Variants in DMD observed in about 807,000 individuals in gnomAD.
DMD encodes the protein dystrophin.
A neutral mutation model predicts 330.1 loss-of-function variants in DMD; 63 were observed. The observed-to-expected ratio is 0.19, with a 90% CI of 0.16 to 0.24. The LOEUF is 0.24. Ranked by LOEUF, DMD falls within the 10% of genes least tolerant of loss-of-function variation. The probability of loss-of-function intolerance (pLI) is 1.00; values close to 1 mark genes in which losing one functional copy is unlikely to be tolerated. For synonymous variants in DMD, 1,223 were observed against 959.8 expected (o/e 1.27, Z -5.07); for missense variants, 3,344 against 2,684.1 (o/e 1.25, Z -5.43).
intron 2 of DMD, among the ~76,000 whole-genome samples, chrX:32,910,226 T>C (rs2087102084): frequency 9.0e-6 from 1 of 111,617 alleles, no homozygotes; most frequent in Non-Finnish European, 1.9e-5. Context: ...GCTACTCCTT[T>C]GGATGACAGA....
At chrX:33,307,132 G>A (rs1426994140) in intron 1 of DMD, among the ~76,000 whole-genome samples, 2 of 111,019 alleles carry the variant, frequency 1.8e-5, no homozygotes, top group Non-Finnish European at 1.9e-5. Context: ...TAAAAGAGGA[G>A]AGAAGAATGC....
At chrX:32,223,586 G>T (rs976794271) in intron 43 of DMD, among the ~76,000 whole-genome samples, 7 of 111,514 alleles carry the variant, frequency 6.3e-5, no homozygotes, top group African/African-American at 2.3e-4. Flanking sequence ...TGGGCTATAG[G>T]TTATGCAGAT....
chrX:32,920,910 T>C (rs1025056876), intron 2 of DMD, among the ~76,000 whole-genome samples: 2 of 112,148 alleles, frequency 1.8e-5, no homozygotes, highest in African/African-American at 6.5e-5. Flanking sequence ...CTGGATTTCA[T>C]AGTCAAAGAA....
chrX:31,669,192 T>C (rs2081601369), intron 53 of DMD, among the ~76,000 whole-genome samples: 1 of 112,137 alleles, frequency 8.9e-6, no homozygotes, highest in Admixed American at 9.4e-5. Flanking sequence ...CATACTGTTC[T>C]CCATAATGGT....
chrX:31,940,418 G>A (rs1236944518), intron 45 of DMD, among the ~76,000 whole-genome samples: 1 of 111,617 alleles, frequency 9.0e-6, no homozygotes, highest in Non-Finnish European at 1.9e-5. Context: ...CAAAAGTGAT[G>A]CTCATGAATA....
chrX:33,122,886 G>T (rs751306112), intron 1 of DMD, among the ~76,000 whole-genome samples: 2 of 112,030 alleles, frequency 1.8e-5, no homozygotes, highest in East Asian at 2.8e-4. Flanking sequence ...AAAAACATCA[G>T]TTTATTTCAT....
At chrX:32,683,787 TAA>T (rs113472494) in intron 9 of DMD, among the ~76,000 whole-genome samples, 18 of 93,045 alleles carry the variant, frequency 1.9e-4, no homozygotes, top group African/African-American at 6.8e-4. Context: ...AAAAGTATAA[TAA>T]AAAAAAAAAG....
At chrX:33,025,229 G>A (rs1413730139) in intron 1 of DMD, among the ~76,000 whole-genome samples, 1 of 112,086 alleles carries the variant, frequency 8.9e-6, no homozygotes, top group Non-Finnish European at 1.9e-5. Flanking sequence ...AATAAAGGTA[G>A]GAGGAGGATA....
intron 64 of DMD, among the ~76,000 whole-genome samples, chrX:31,220,487 C>T (rs767372928): frequency 1.8e-5 from 2 of 111,811 alleles, no homozygotes; most frequent in East Asian, 5.6e-4. Context: ...TTTCTTTCTT[C>T]CCATGGAGCA....
chrX:31,868,147 A>G (rs2093831283), intron 48 of DMD, among the ~76,000 whole-genome samples: 1 of 112,113 alleles, frequency 8.9e-6, no homozygotes, highest in Non-Finnish European at 1.9e-5. Context: ...CTCTGTGAAG[A>G]AGCTGATGAG....
chrX:32,752,813 C>G (rs1458766438), intron 7 of DMD, among the ~76,000 whole-genome samples: 1 of 109,767 alleles, frequency 9.1e-6, no homozygotes, highest in East Asian at 2.9e-4. Flanking sequence ...GAAAGTCTCA[C>G]GAGATCTGAT....
rs144637438 is a variant in DMD, at chrX:33,062,401, T to G, written c.32-42201A>C. Among the ~76,000 whole-genome samples, 298 of 112,581 alleles carry G rather than the reference T, an allele frequency of 2.6e-3. 1 individual carries two copies. The highest frequency in any genetic ancestry group is 9.2e-3 in the African/African-American group (285 of 31,058). On this transcript the variant is annotated intron_variant, in intron 1 of 78. Coordinates refer to ENST00000357033, the MANE Select transcript of DMD (RefSeq NM_004006.3). ...TGCATTTAACTCTCATTATGCATAA[T>G]TGCATAACTGGACAACAATATTTGT...
At chrX:32,680,334 T>C (rs1393397428) in intron 9 of DMD, among the ~76,000 whole-genome samples, 18 of 111,753 alleles carry the variant, frequency 1.6e-4, no homozygotes, top group Admixed American at 1.4e-3. Context: ...GAACTTCAAA[T>C]ACAATCAAAA....
intron 1 of DMD, among the ~76,000 whole-genome samples, chrX:33,177,811 A>AT (rs2049757024): frequency 8.9e-6 from 1 of 112,210 alleles, no homozygotes; most frequent in Admixed American, 9.5e-5. Flanking sequence ...GAACCTACTC[A>AT]TTTTTTATAA....
At chrX:33,310,583 CTAAAT>C (rs1340814419) in intron 1 of DMD, among the ~76,000 whole-genome samples, 1 of 111,009 alleles carries the variant, frequency 9.0e-6, no homozygotes, top group Non-Finnish European at 1.9e-5. Context: ...AGAATATCAC[CTAAAT>C]TATTCATTTT....
At chrX:32,432,625 T>C (rs16990375) in intron 29 of DMD, among the ~76,000 whole-genome samples, 16,980 of 111,707 alleles carry the variant, frequency 0.15, 1,117 homozygotes, top group African/African-American at 0.23. Flanking sequence ...TTAAGTTTGA[T>C]GTTGCTTCTA....
chrX:32,918,749 C>G (rs1219430302), intron 2 of DMD, among the ~76,000 whole-genome samples: 1 of 112,366 alleles, frequency 8.9e-6, no homozygotes, highest in Non-Finnish European at 1.9e-5. Context: ...TAATATATTT[C>G]CAGCATAGGA....
intron 47 of DMD, among the ~76,000 whole-genome samples, chrX:31,901,991 T>C (rs1359784093): frequency 9.0e-6 from 1 of 111,687 alleles, no homozygotes; most frequent in Non-Finnish European, 1.9e-5. Context: ...TTTTCAAGAA[T>C]ACAATGCATT....
intron 1 of DMD, among the ~76,000 whole-genome samples, chrX:33,209,537 A>C (rs1225459636): frequency 8.9e-6 from 1 of 111,947 alleles, no homozygotes; most frequent in East Asian, 2.8e-4. Flanking sequence ...AAAAAACAAC[A>C]AAACGTACTT....
Sources: gnomAD v4.1 joint callset for allele counts (sites outside exome capture counted in the v4.1 genomes callset) on GRCh38, gnomAD v4.1.1 for gene constraint, MANE v1.5 for transcripts, NCBI Gene and HGNC (gene_info 2026-07-23, HGNC 2026-07-21) for gene names.